ADAMTSL1: variants seen among roughly 807,000 people sequenced by gnomAD.
ADAMTSL1 encodes ADAMTS like 1.
A neutral mutation model predicts 201.8 loss-of-function variants in ADAMTSL1; 126 were observed. The observed-to-expected ratio is 0.62, with a 90% CI of 0.54 to 0.72. The LOEUF is 0.72. Among genes scored for constraint, ADAMTSL1 ranks in the 30% least tolerant of loss-of-function variants. The pLI is 0.00. For missense variants in ADAMTSL1, 2,679 were observed against 2,277.8 expected (o/e 1.18, Z -3.59); for synonymous variants, 1,121 against 903.4 (o/e 1.24, Z -4.32).
At chr9:18,749,392 T>C (rs1279794739) in intron 15 of ADAMTSL1, among the ~76,000 whole-genome samples, 1 of 152,076 alleles carries the variant, frequency 6.6e-6, no homozygotes, top group East Asian at 1.9e-4. Context: ...AGAAGTAGCA[T>C]TTTAAATGGA....
intron 1 of ADAMTSL1, among the ~76,000 whole-genome samples, chr9:17,942,118 G>A (rs945839536): frequency 6.6e-6 from 1 of 152,116 alleles, no homozygotes. Flanking sequence ...ATTCGTTAGA[G>A]ACAGAAAGTA....
chr9:18,213,945 C>G (rs550540710), intron 2 of ADAMTSL1, among the ~76,000 whole-genome samples: 1 of 152,208 alleles, frequency 6.6e-6, no homozygotes, highest in East Asian at 1.9e-4. Flanking sequence ...CCATGTTGGC[C>G]AGGCTGGTCT....
chr9:17,964,576 A>G (rs1017493201), intron 1 of ADAMTSL1, among the ~76,000 whole-genome samples: 1 of 152,144 alleles, frequency 6.6e-6, no homozygotes, highest in African/African-American at 2.4e-5. Context: ...AACTAAATAT[A>G]CACATAGGTA....
intron 2 of ADAMTSL1, among the ~76,000 whole-genome samples, chr9:18,337,578 A>G (rs1189805253): frequency 6.6e-6 from 1 of 152,130 alleles, no homozygotes; most frequent in Admixed American, 6.5e-5. Flanking sequence ...TATATAGTTA[A>G]CCCAGGGTCA....
intron 2 of ADAMTSL1, among the ~76,000 whole-genome samples, chr9:18,380,810 T>C (rs1178552583): frequency 2.0e-5 from 3 of 152,240 alleles, no homozygotes; most frequent in African/African-American, 7.2e-5. Flanking sequence ...TCTATTTTCC[T>C]CATTTACTAC....
intron 2 of ADAMTSL1, among the ~76,000 whole-genome samples, chr9:18,271,674 C>G (rs1327555390): frequency 6.6e-6 from 1 of 152,110 alleles, no homozygotes; most frequent in African/African-American, 2.4e-5. Flanking sequence ...GATTTATAAT[C>G]CTTTGGGTAT....
Position 18,795,453 on chromosome 9 carries a change from TG to T in ADAMTSL1, c.3737del (p.Gly1246ValfsTer22). ...LQILAPVEAD[V>X]GFYTCNATNA... ...ATCTTGGCACCAGTGGAAGCAGATG[TG>T]GGTTTCTACACTTGCAATGCCACCA... On this transcript the variant is annotated frameshift_variant, in exon 20 of 29. Coordinates refer to ENST00000380548, the MANE Select transcript of ADAMTSL1 (RefSeq NM_001040272.6). LOFTEE classifies it high-confidence loss of function. 4.3e-6 allele frequency: 7 copies of T among 1,613,906 alleles called. No homozygotes were observed. The highest frequency in any genetic ancestry group is 5.9e-6 in the Non-Finnish European group (7 of 1,179,850).
At chr9:18,005,932 T>G (rs1819799365) in intron 1 of ADAMTSL1, among the ~76,000 whole-genome samples, 1 of 152,008 alleles carries the variant, frequency 6.6e-6, no homozygotes, top group African/African-American at 2.4e-5. Flanking sequence ...CTTCTACCAG[T>G]CATAAAATCT....
chr9:18,367,880 ATTTATT>A (rs1226410709), intron 2 of ADAMTSL1, among the ~76,000 whole-genome samples: 1 of 151,462 alleles, frequency 6.6e-6, no homozygotes, highest in African/African-American at 2.4e-5. Flanking sequence ...GGAGTCTTGT[ATTTATT>A]TTTATTTTTA....
At chr9:18,030,305 C>A (rs1239748038) in intron 1 of ADAMTSL1, among the ~76,000 whole-genome samples, 1 of 152,020 alleles carries the variant, frequency 6.6e-6, no homozygotes, top group Non-Finnish European at 1.5e-5. Context: ...GGACAAAAAA[C>A]CAAACACCAC....
At chr9:18,487,324 T>C (rs1469128433) in intron 1 of ADAMTSL1, among the ~76,000 whole-genome samples, 1 of 152,216 alleles carries the variant, frequency 6.6e-6, no homozygotes, top group African/African-American at 2.4e-5. Flanking sequence ...CCACTGTGCA[T>C]GTAGCTCTTT....
chr9:18,223,548 C>G (rs991906589), intron 2 of ADAMTSL1, among the ~76,000 whole-genome samples: 3 of 152,018 alleles, frequency 2.0e-5, no homozygotes, highest in African/African-American at 4.8e-5. Flanking sequence ...CTCTTTAAAT[C>G]TGACTTATTA....
chr9:18,558,971 GATGA>G (rs767115504), intron 3 of ADAMTSL1, among the ~76,000 whole-genome samples: 34 of 152,156 alleles, frequency 2.2e-4, no homozygotes, highest in Non-Finnish European at 3.2e-4. Context: ...TATTCACCCT[GATGA>G]TAGTTTATTT....
intron 7 of ADAMTSL1, among the ~76,000 whole-genome samples, chr9:18,648,931 G>C (rs1230832270): frequency 1.1e-4 from 16 of 152,196 alleles, no homozygotes; most frequent in African/African-American, 3.1e-4. Flanking sequence ...CTGAATGTTG[G>C]CCTGCCTTGC....
chr9:18,802,768 A>G (rs1822880973), intron 20 of ADAMTSL1, among the ~76,000 whole-genome samples: 1 of 152,222 alleles, frequency 6.6e-6, no homozygotes, highest in Non-Finnish European at 1.5e-5. Context: ...TATGTTTACT[A>G]TTGAAGAAAG....
chr9:18,247,039 T>C (rs2132473763), intron 2 of ADAMTSL1, among the ~76,000 whole-genome samples: 1 of 152,326 alleles, frequency 6.6e-6, no homozygotes, highest in Non-Finnish European at 1.5e-5. Flanking sequence ...GCATGTGTTT[T>C]TTTGGGTATT....
intron 2 of ADAMTSL1, among the ~76,000 whole-genome samples, chr9:18,403,395 C>T (rs1818063653): frequency 6.6e-6 from 1 of 151,828 alleles, no homozygotes. Flanking sequence ...TATTGGCCAG[C>T]CTGGTCTCGA....
At chr9:18,453,238 G>A (rs1012762529) in intron 2 of ADAMTSL1, among the ~76,000 whole-genome samples, 2 of 152,168 alleles carry the variant, frequency 1.3e-5, no homozygotes, top group African/African-American at 4.8e-5. Flanking sequence ...GTGCCAGAAT[G>A]CAGAGAGCAG....
intron 1 of ADAMTSL1, among the ~76,000 whole-genome samples, chr9:17,959,400 G>C (rs947757966): frequency 6.6e-6 from 1 of 152,048 alleles, no homozygotes; most frequent in African/African-American, 2.4e-5. Flanking sequence ...CAGCTTTACT[G>C]GGTATTTGAA....
Sources: gnomAD v4.1 joint callset for allele counts (sites outside exome capture counted in the v4.1 genomes callset) on GRCh38, gnomAD v4.1.1 for gene constraint, MANE v1.5 for transcripts, NCBI Gene and HGNC (gene_info 2026-07-23, HGNC 2026-07-21) for gene names.